The following DAB1 variants were observed in gnomAD, a reference collection of about 807,000 sequenced individuals.
DAB1 encodes disabled homolog 1.
DAB1 carries 15 observed loss-of-function variants against 64.6 expected under a neutral mutation model. That is an observed-to-expected ratio of 0.23 (90% CI 0.16 to 0.36). DAB1 has a LOEUF of 0.36. Ranked by LOEUF, DAB1 falls within the 10% of genes least tolerant of loss-of-function variation. The pLI is 1.00. For synonymous variants in DAB1, 235 were observed against 251.9 expected (o/e 0.93, Z 0.64); for missense variants, 596 against 706.7 (o/e 0.84, Z 1.78).
At chr1:57,189,126 T>G (rs1663883999) in intron 2 of DAB1, among the ~76,000 whole-genome samples, 2 of 152,120 alleles carry the variant, frequency 1.3e-5, no homozygotes, top group Non-Finnish European at 2.9e-5. Context: ...CTCCTTCTCT[T>G]TCCTCTTCTT....
intron 3 of DAB1, among the ~76,000 whole-genome samples, chr1:58,412,112 T>C (rs1232647407): frequency 2.0e-5 from 3 of 152,176 alleles, no homozygotes; most frequent in Admixed American, 1.3e-4. Context: ...TCCTCCCTTA[T>C]CTTTTTCTGT....
chr1:57,834,850 C>T (rs1389782142), intron 1 of DAB1, among the ~76,000 whole-genome samples: 1 of 152,252 alleles, frequency 6.6e-6, no homozygotes, highest in South Asian at 2.1e-4. Context: ...CAACCTTGTC[C>T]TCCTGTGTGG....
chr1:57,806,460 G>C (rs987368157), intron 6 of DAB1, among the ~76,000 whole-genome samples: 2 of 152,180 alleles, frequency 1.3e-5, no homozygotes, highest in African/African-American at 2.4e-5. Context: ...AGGGATCGGG[G>C]TGATTTGTCT....
chr1:57,282,519 A>G (rs925765004), intron 2 of DAB1, among the ~76,000 whole-genome samples: 1 of 152,200 alleles, frequency 6.6e-6, no homozygotes, highest in Non-Finnish European at 1.5e-5. Flanking sequence ...GGAACCAGTT[A>G]GAACAAGGTG....
chr1:58,213,066 A>C (rs536848331), intron 4 of DAB1, among the ~76,000 whole-genome samples: 8 of 152,334 alleles, frequency 5.3e-5, no homozygotes, highest in African/African-American at 1.9e-4. Context: ...TTTTCAGATC[A>C]GTATTTTAAG....
At chr1:57,154,349 T>C (rs1032694245) in intron 2 of DAB1, among the ~76,000 whole-genome samples, 2 of 152,240 alleles carry the variant, frequency 1.3e-5, no homozygotes, top group African/African-American at 4.8e-5. Flanking sequence ...GTTCCATCCA[T>C]GTGGTTGCAA....
intron 3 of DAB1, among the ~76,000 whole-genome samples, chr1:58,377,875 ACTT>A (rs1356076854): frequency 1.4e-5 from 2 of 141,420 alleles, no homozygotes; most frequent in Non-Finnish European, 3.2e-5. Context: ...GGCTTTGCTC[ACTT>A]CTTCTTATTC....
chr1:57,659,779 C>G (rs552961434), intron 6 of DAB1, among the ~76,000 whole-genome samples: 1 of 152,126 alleles, frequency 6.6e-6, no homozygotes, highest in East Asian at 1.9e-4. Flanking sequence ...GAGTTCAAGA[C>G]CAGCCTGACC....
intron 3 of DAB1, among the ~76,000 whole-genome samples, chr1:58,440,733 C>T (rs1365661076): frequency 1.3e-5 from 2 of 152,216 alleles, no homozygotes; most frequent in Non-Finnish European, 2.9e-5. Flanking sequence ...GCCGTAACAA[C>T]TCTGTGATAT....
chr1:58,075,369 TG>T (rs1317684267), intron 5 of DAB1, among the ~76,000 whole-genome samples: 1 of 152,156 alleles, frequency 6.6e-6, no homozygotes, highest in Non-Finnish European at 1.5e-5. Context: ...CTAATGAAAT[TG>T]TGAGCAGAAG....
At chr1:57,051,333 C>T (rs1384788801) in intron 9 of DAB1, among the ~76,000 whole-genome samples, 2 of 152,122 alleles carry the variant, frequency 1.3e-5, no homozygotes, top group African/African-American at 4.8e-5. Flanking sequence ...AATTGACAAA[C>T]GTTCAGACAA....
chr1:58,488,919 C>A (rs1052915743), intron 3 of DAB1, among the ~76,000 whole-genome samples: 4 of 152,248 alleles, frequency 2.6e-5, no homozygotes, highest in Admixed American at 2.6e-4. Flanking sequence ...GTTTTATGAT[C>A]AATATTTTCA....
chr1:57,267,506 A>G (rs1670677353), intron 2 of DAB1, among the ~76,000 whole-genome samples: 1 of 152,184 alleles, frequency 6.6e-6, no homozygotes, highest in African/African-American at 2.4e-5. Flanking sequence ...TATGCCGAAG[A>G]AGACTTCATA....
chr1:58,347,193 C>G (rs1010318565), intron 3 of DAB1, among the ~76,000 whole-genome samples: 1 of 152,150 alleles, frequency 6.6e-6, no homozygotes, highest in African/African-American at 2.4e-5. Context: ...CCACAACCTC[C>G]GCCTCCCAGG....
intron 5 of DAB1, among the ~76,000 whole-genome samples, chr1:57,999,612 A>G (rs941721374): frequency 4.6e-5 from 7 of 152,100 alleles, no homozygotes; most frequent in Admixed American, 3.3e-4. Context: ...GTTTATCACA[A>G]CTGAGGTGGG....
In DAB1 at chr1:57,604,422, G is replaced by A. The variant is rs997295556; in HGVS notation, n.625+45170C>T. 1.2e-4 allele frequency among the ~76,000 whole-genome samples: 17 copies of A among 145,546 alleles called. 1 individual carries two copies. The highest frequency in any genetic ancestry group is 2.4e-4 in the Non-Finnish European group (16 of 65,754). Reference sequence around the variant, plus strand: ...TTATTATAAAAGAAAAAAAAAAAAAGAGGAAGCCCATGCTAGCCACATGAA... The same window carrying A: ...TTATTATAAAAGAAAAAAAAAAAAAAAGGAAGCCCATGCTAGCCACATGAA... On this transcript the variant is annotated intron_variant and non_coding_transcript_variant, in intron 7 of 20. Transcript: ENST00000485760.
intron 5 of DAB1, among the ~76,000 whole-genome samples, chr1:58,013,862 A>G (rs958012785): frequency 4.0e-5 from 6 of 149,360 alleles, no homozygotes; most frequent in African/African-American, 1.5e-4. Context: ...ATGGACTTTT[A>G]TCTTCCTTTA....
intron 4 of DAB1, among the ~76,000 whole-genome samples, chr1:58,207,518 T>C (rs1404627286): frequency 1.3e-5 from 2 of 152,186 alleles, no homozygotes; most frequent in Non-Finnish European, 2.9e-5. Context: ...AGCCTAGAAG[T>C]CAGAGTCCCT....
At chr1:58,117,538 T>A (rs1652411917) in intron 5 of DAB1, among the ~76,000 whole-genome samples, 1 of 152,212 alleles carries the variant, frequency 6.6e-6, no homozygotes, top group African/African-American at 2.4e-5. Flanking sequence ...AGGGACCTCT[T>A]TCCCAAATGA....
Sources: gnomAD v4.1 joint callset for allele counts (sites outside exome capture counted in the v4.1 genomes callset) on GRCh38, gnomAD v4.1.1 for gene constraint, MANE v1.5 for transcripts, NCBI Gene and HGNC (gene_info 2026-07-23, HGNC 2026-07-21) for gene names.